ANKRD42: variants seen among roughly 807,000 people sequenced by gnomAD.
The protein encoded by ANKRD42 is ankyrin repeat domain-containing protein 42.
In ANKRD42, 43 loss-of-function variants were observed where a neutral mutation model predicts 51.5. The ratio of observed to expected loss-of-function variants is 0.83; its 90% CI spans 0.65 to 1.08. The LOEUF (loss-of-function observed/expected upper bound fraction) is 1.08. Ranked by LOEUF, ANKRD42 falls within the 50% of genes least tolerant of loss-of-function variation. The pLI, the probability that ANKRD42 is intolerant of heterozygous loss-of-function variation, is 0.00. For synonymous variants in ANKRD42, 203 were observed against 213.0 expected (o/e 0.95, Z 0.41); for missense variants, 608 against 629.3 (o/e 0.97, Z 0.36).
chr11:83,193,925 GAGTT>G lies in ANKRD42; in HGVS notation c.-743_-740del, dbSNP rs767738820. 35 of 455,824 alleles carry G rather than the reference GAGTT, an allele frequency of 7.7e-5. 1 individual carries two copies. In the East Asian group the frequency reaches 2.2e-3, roughly 28 times the overall value. The allele number at this position is 455,824 out of a possible 1,614,324, so 28.2% of individuals were successfully genotyped here. ...CATTCCGGCGCCGAGTCTAGGGAAA[GAGTT>G]AGCGACGACGGGGAAAGAAAATGTG... is the stretch of plus-strand genomic sequence containing the variant. On this transcript the variant is annotated 5_prime_UTR_variant, in exon 1 of 11. Coordinates refer to ENST00000533342, the MANE Select transcript of ANKRD42 (RefSeq NM_001300975.2).
At chr11:83,226,609 T>C (rs1862894049) in intron 6 of ANKRD42, among the ~76,000 whole-genome samples, 1 of 152,172 alleles carries the variant, frequency 6.6e-6, no homozygotes, top group Non-Finnish European at 1.5e-5. Context: ...AGGCAGTGTG[T>C]AGTAATGGCA....
At chr11:83,225,187 A>C (rs1349271628) in intron 6 of ANKRD42, 132 bp downstream of exon 6, 1 of 689,048 alleles carries the variant, frequency 1.5e-6, no homozygotes, top group African/African-American at 1.8e-5. Context: ...AAATATAAAC[A>C]TGTTTAATAT....
At chr11:83,212,914 T>A in intron 5 of ANKRD42, 8 of 1,463,884 alleles carry the variant, frequency 5.5e-6, no homozygotes, top group Admixed American at 2.8e-5. Flanking sequence ...TTTTTTTTTT[T>A]AAAGTAAAAT....
intron 2 of ANKRD42, 107 bp downstream of exon 2, chr11:83,198,749 CT>C (rs1400308890): frequency 9.7e-7 from 1 of 1,035,342 alleles, no homozygotes; most frequent in African/African-American, 1.6e-5. Flanking sequence ...CATATATTTT[CT>C]TTTCAGTCAT....
chr11:83,198,498 T>C lies in ANKRD42; in HGVS notation c.78T>C (p.His26=). The C allele has an allele frequency of 6.2e-7, 1 of 1,612,746 alleles. No homozygotes were observed. The highest frequency in any genetic ancestry group is 1.7e-5 in the Admixed American group (1 of 59,912). ...TANPCSRKKV[H]FGSIHDAVRA... ...CAATAGGTTCCAGGAAGAAGGTGCA[T>C]TTTGGCAGCATACATGATGCAGTAC... Residue 26 remains histidine (H), a synonymous_variant, in exon 2 of 11, where the codon CAT becomes CAC. Transcript: ENST00000533342.
intron 2 of ANKRD42, among the ~76,000 whole-genome samples, chr11:83,204,638 T>C (rs544031943): frequency 2.0e-5 from 3 of 146,502 alleles, no homozygotes; most frequent in African/African-American, 7.5e-5. Flanking sequence ...AATCTAAAAT[T>C]AAAAAAAAAA....
intron 5 of ANKRD42, 146 bp downstream of exon 5, chr11:83,211,576 C>T: frequency 1.2e-6 from 1 of 869,282 alleles, no homozygotes; most frequent in Non-Finnish European, 1.7e-6. Flanking sequence ...GCTGGAGGAT[C>T]ACTTGAGGCC....
chr11:83,210,162 C>A, intron 3 of ANKRD42, 138 bp from the exon 4 acceptor site: 1 of 738,418 alleles, frequency 1.4e-6, no homozygotes, highest in Non-Finnish European at 2.0e-6. Flanking sequence ...TTATGTTTTG[C>A]CTGTAGCACA....
intron 7 of ANKRD42, among the ~76,000 whole-genome samples, chr11:83,230,342 G>T (rs992494882): frequency 6.6e-6 from 1 of 152,118 alleles, no homozygotes; most frequent in African/African-American, 2.4e-5. Flanking sequence ...ATGAGCCACT[G>T]CATCCAGTCC....
intron 7 of ANKRD42, among the ~76,000 whole-genome samples, chr11:83,234,491 T>G (rs879929425): frequency 3.3e-5 from 5 of 152,198 alleles, no homozygotes; most frequent in Non-Finnish European, 7.3e-5. Context: ...TTTTAAAACA[T>G]TGGTCAAATT....
chr11:83,207,593 A>G (rs1212947993), intron 3 of ANKRD42, among the ~76,000 whole-genome samples: 1 of 152,260 alleles, frequency 6.6e-6, no homozygotes, highest in Non-Finnish European at 1.5e-5. Flanking sequence ...GCAAATAAAA[A>G]TAATGATTGT....
chr11:83,225,556 C>A (rs1364927546), intron 6 of ANKRD42, among the ~76,000 whole-genome samples: 1 of 127,532 alleles, frequency 7.8e-6, no homozygotes, highest in East Asian at 2.2e-4. Context: ...CAAAATGAGA[C>A]CCTGTCTCAA....
chr11:83,194,850 T>A (rs560429302), intron 1 of ANKRD42, 122 bp downstream of exon 1: 3 of 1,022,618 alleles, frequency 2.9e-6, no homozygotes, highest in Non-Finnish European at 4.2e-6. Context: ...TTTCCCTTTT[T>A]AATTTATTTT....
intron 2 of ANKRD42, among the ~76,000 whole-genome samples, chr11:83,199,027 C>G (rs1174541985): frequency 6.6e-6 from 1 of 152,144 alleles, no homozygotes; most frequent in Non-Finnish European, 1.5e-5. Flanking sequence ...AAACTTCATC[C>G]CTGTGGGCCT....
intron 7 of ANKRD42, 30 bp downstream of exon 7, chr11:83,227,902 A>G: frequency 6.4e-7 from 1 of 1,572,278 alleles, no homozygotes; most frequent in Non-Finnish European, 8.6e-7. Context: ...TTCAGTTCGG[A>G]TACAATAGCT....
chr11:83,207,364 G>A (rs1862117362), intron 3 of ANKRD42, among the ~76,000 whole-genome samples: 1 of 152,126 alleles, frequency 6.6e-6, no homozygotes, highest in Non-Finnish European at 1.5e-5. Context: ...TTGTTTGAAG[G>A]GACAGGAGCT....
intron 1 of ANKRD42, among the ~76,000 whole-genome samples, chr11:83,198,255 GTTCA>G (rs1425972365): frequency 6.6e-6 from 1 of 152,114 alleles, no homozygotes; most frequent in Non-Finnish European, 1.5e-5. Context: ...TTCATTTTCT[GTTCA>G]TTCATTTTTC....
At chr11:83,208,893 A>C (rs963678131) in intron 3 of ANKRD42, among the ~76,000 whole-genome samples, 1 of 151,994 alleles carries the variant, frequency 6.6e-6, no homozygotes, top group Non-Finnish European at 1.5e-5. Flanking sequence ...TGATCCTTCC[A>C]CCTCAGCCTC....
intron 6 of ANKRD42, among the ~76,000 whole-genome samples, chr11:83,226,497 A>G (rs765793707): frequency 6.6e-6 from 1 of 152,246 alleles, no homozygotes; most frequent in Non-Finnish European, 1.5e-5. Context: ...ACATATGGAA[A>G]GAAACAACCT....
Sources: allele counts gnomAD v4.1 joint callset (sites outside exome capture counted in the v4.1 genomes callset), GRCh38; gene constraint gnomAD v4.1.1; transcripts MANE v1.5; gene names NCBI Gene and HGNC (gene_info 2026-07-23, HGNC 2026-07-21).